The following CLGN variants were observed in gnomAD, a reference collection of about 807,000 sequenced individuals.
The protein encoded by CLGN is testis tissue sperm-binding protein Li 79P.
A neutral mutation model predicts 79.1 loss-of-function variants in CLGN; 62 were observed. The ratio of observed to expected loss-of-function variants is 0.78; its 90% CI spans 0.64 to 0.97. CLGN has a LOEUF of 0.97. CLGN is among the 50% of genes least tolerant of loss of function. CLGN has a pLI of 0.00. For missense variants in CLGN, 647 were observed against 715.5 expected (o/e 0.90, Z 1.09); for synonymous variants, 225 against 224.7 (o/e 1.00, Z -0.01).
intron 1 of CLGN, among the ~76,000 whole-genome samples, chr4:140,414,003 G>A (rs1376669444): frequency 8.5e-5 from 13 of 152,356 alleles, no homozygotes; most frequent in Admixed American, 3.3e-4. Context: ...CACGCAGCTG[G>A]AGATCTGAGA....
chr4:140,395,944 C>CACG lies in CLGN; in HGVS notation c.1023_1024insCGT (p.Trp341_Glu342insArg). ...GCTGGATTAAGAATCTGAGGTGCCT[C>CACG]CCATTCTCCATCCGTGTCTTCATTC... On this transcript the variant is annotated inframe_insertion, in exon 10 of 15. Coordinates refer to ENST00000325617, the MANE Select transcript of CLGN (RefSeq NM_004362.3). 6.2e-7 allele frequency: 1 copy of CACG among 1,600,816 alleles called. No individual in the cohort carries two copies. Among genetic ancestry groups the CACG allele is most frequent in the Admixed American group, 1.7e-5 (1 of 57,476 alleles).
intron 10 of CLGN, among the ~76,000 whole-genome samples, chr4:140,395,307 T>G (rs1263544650): frequency 6.6e-6 from 1 of 152,022 alleles, no homozygotes; most frequent in East Asian, 1.9e-4. Context: ...CCACCACATC[T>G]GGCTAATTTT....
chr4:140,416,462 A>C (rs1384493144), intron 1 of CLGN, among the ~76,000 whole-genome samples: 1 of 151,656 alleles, frequency 6.6e-6, no homozygotes. Flanking sequence ...TAGCAAGACT[A>C]ATAAAGAAAA....
At position 140,393,995 on chromosome 4, in the gene CLGN, T is replaced by C. The variant is rs371614813; in HGVS notation, c.1196A>G (p.Asp399Gly). The change falls in exon 11 of 15, where the codon GAT becomes GGT. Residue 399 changes from aspartate (D) to glycine (G), a missense_variant. By Grantham distance (94) the Asp-to-Gly change is moderately conservative. Coordinates refer to ENST00000325617, the MANE Select transcript of CLGN (RefSeq NM_004362.3). ...AGAAGTCAGAAGAAATGGATGATCA[T>C]CTTCGAAATAATCTGGATTAGGAAT... The part of the protein sequence containing the change: ...RKIPNPDYFE[D>G]DHPFLLTSFS... The C allele has an allele frequency of 7.4e-6, 12 of 1,613,604 alleles. No individual in the cohort carries two copies. In the African/African-American group the frequency reaches 1.2e-4, roughly 16 times the overall value.
At chr4:140,399,852 C>T (rs1266349594) in intron 7 of CLGN, among the ~76,000 whole-genome samples, 3 of 152,152 alleles carry the variant, frequency 2.0e-5, no homozygotes, top group Admixed American at 2.0e-4. Context: ...CTTCTCCTTT[C>T]GAAGTACATG....
Position 140,402,011 on chromosome 4 carries a change from G to A in CLGN, c.475C>T (p.Leu159=), listed in dbSNP as rs754178502. The change falls in exon 6 of 15, where the codon CTA becomes TTA. Residue 159 remains leucine, a synonymous_variant. Coordinates refer to ENST00000325617, the MANE Select transcript of CLGN (RefSeq NM_004362.3). ...AGAATCAAATCATCAGTGTCTGCTA[G>A]GAGTTTAATGTATGCACCTCCACAA... ...IDCGGAYIKL[L]ADTDDLILEN... 3 of 1,577,446 alleles carry A rather than the reference G, an allele frequency of 1.9e-6. No individual in the cohort carries two copies. Among genetic ancestry groups the A allele is most frequent in the Non-Finnish European group, 2.6e-6 (3 of 1,158,630 alleles).
chr4:140,421,508 T>C (rs1729469135), intron 1 of CLGN, among the ~76,000 whole-genome samples: 1 of 152,128 alleles, frequency 6.6e-6, no homozygotes, highest in African/African-American at 2.4e-5. Context: ...GGTCCTAATA[T>C]GGCGTAGTAT....
intron 1 of CLGN, among the ~76,000 whole-genome samples, chr4:140,420,546 C>A (rs920503748): frequency 3.3e-5 from 3 of 90,592 alleles, no homozygotes; most frequent in Admixed American, 2.2e-4. Flanking sequence ...TTTATTTGTT[C>A]TTTTTTTTAA....
intron 1 of CLGN, among the ~76,000 whole-genome samples, chr4:140,413,541 C>T (rs1286804281): frequency 6.6e-6 from 1 of 152,188 alleles, no homozygotes; most frequent in Non-Finnish European, 1.5e-5. Flanking sequence ...TTGCCTCACT[C>T]GGGAAGCACA....
chr4:140,414,514 T>C (rs1168952004), intron 1 of CLGN, among the ~76,000 whole-genome samples: 1 of 150,956 alleles, frequency 6.6e-6, no homozygotes, highest in Non-Finnish European at 1.5e-5. Context: ...AAGGAGCTGA[T>C]GGAGCTGAAA....
In CLGN at chr4:140,402,014, G is replaced by T. The variant is rs762112342; in HGVS notation, c.472C>A (p.Leu158Ile). Residue 158 changes from leucine (L) to isoleucine (I), a missense_variant, in exon 6 of 15, where the codon CTC (leucine) becomes ATC (isoleucine). Coordinates refer to ENST00000325617, the MANE Select transcript of CLGN (RefSeq NM_004362.3). Reference protein sequence around the residue: ...GIDCGGAYIKLLADTDDLILE... With the variant: ...GIDCGGAYIKILADTDDLILE... ...ATCAAATCATCAGTGTCTGCTAGGA[G>T]TTTAATGTATGCACCTCCACAATCA... The T allele has an allele frequency of 1.3e-6, 2 of 1,582,014 alleles. No homozygotes were observed. Among genetic ancestry groups the T allele is most frequent in the East Asian group, 4.6e-5 (2 of 43,578 alleles).
At chr4:140,415,313 T>C (rs996224473) in intron 1 of CLGN, among the ~76,000 whole-genome samples, 1 of 151,462 alleles carries the variant, frequency 6.6e-6, no homozygotes, top group Non-Finnish European at 1.5e-5. Context: ...AATAACCAGC[T>C]AACATCATAA....
chr4:140,424,961 T>C, intron 1 of CLGN, among the ~76,000 whole-genome samples: 1 of 152,172 alleles, frequency 6.6e-6, no homozygotes, highest in East Asian at 1.9e-4. Context: ...CAATATCTCC[T>C]AAAAACCCTA....
At position 140,400,257 on chromosome 4, in the gene CLGN, A is replaced by C; in HGVS notation, c.694+100T>G. On this transcript the variant is annotated intron_variant, in intron 7 of 14. Coordinates refer to ENST00000325617, the MANE Select transcript of CLGN (RefSeq NM_004362.3). ...TTTTCTGAAAAAGATAAGCTCCTTC[A>C]GGATGGGGTACACATTTGTTTTCTT... is the stretch of plus-strand genomic sequence containing the variant. The C allele has an allele frequency of 3.8e-6, 3 of 782,104 alleles. No individual in the cohort carries two copies. The Admixed American group carries it at 7.8e-5, about 20-fold the overall frequency. 48.4% of individuals were successfully genotyped at this position (782,104 alleles called of 1,614,324 possible).
intron 2 of CLGN, 38 bp downstream of exon 2, chr4:140,412,897 A>G: frequency 6.4e-7 from 1 of 1,568,764 alleles, no homozygotes; most frequent in Non-Finnish European, 8.8e-7. Context: ...TGTACTATGT[A>G]AAGGAATAAT....
intron 11 of CLGN, among the ~76,000 whole-genome samples, chr4:140,393,153 C>A (rs1186784613): frequency 2.0e-5 from 3 of 151,826 alleles, no homozygotes; most frequent in Non-Finnish European, 2.9e-5. Context: ...ACACATAAGA[C>A]CCTCAGTAAG....
At chr4:140,425,154 C>T (rs1200208342) in intron 1 of CLGN, among the ~76,000 whole-genome samples, 1 of 152,152 alleles carries the variant, frequency 6.6e-6, no homozygotes, top group Non-Finnish European at 1.5e-5. Context: ...AGGGTAATTT[C>T]CTTGGCACTA....
intron 1 of CLGN, among the ~76,000 whole-genome samples, chr4:140,425,622 CTTTTTTTTT>C (rs60198755): frequency 1.5e-4 from 15 of 97,180 alleles, no homozygotes; most frequent in African/African-American, 4.2e-4. Context: ...TTTGTAATTC[CTTTTTTTTT>C]TTTTTTTTTT....
In CLGN at chr4:140,400,449, T is replaced by C. The variant is rs1728978379; in HGVS notation, c.602A>G (p.Lys201Arg). 1 of 1,612,042 alleles carries C rather than the reference T, an allele frequency of 6.2e-7. No individual in the cohort carries two copies. The highest frequency in any genetic ancestry group is 8.5e-7 in the Non-Finnish European group (1 of 1,178,276). The part of the protein sequence containing the change: ...LHFIFRHKHP[K>R]TGVFEEKHAK... ...ATGTTTCTCTTCGAAAACTCCAGTT[T>C]TGGGATGTTTATGTCTGAAGATAAA... The change falls in exon 7 of 15, where the codon AAA becomes AGA. Residue 201 changes from lysine to arginine, a missense_variant. Transcript: ENST00000325617.
Sources: gnomAD v4.1 joint callset for allele counts (sites outside exome capture counted in the v4.1 genomes callset) on GRCh38, gnomAD v4.1.1 for gene constraint, MANE v1.5 for transcripts, NCBI Gene and HGNC (gene_info 2026-07-23, HGNC 2026-07-21) for gene names.